The following POPDC1 variants were observed in gnomAD, a reference collection of about 807,000 sequenced individuals.
The protein encoded by POPDC1 is popeye domain-containing protein 1.
chr6:105,107,777 G>T, the POPDC1 span, among the ~76,000 whole-genome samples: 1 of 152,122 alleles, frequency 6.6e-6, no homozygotes, highest in African/African-American at 2.4e-5. Flanking sequence ...TACAATTTTT[G>T]AAGAATGGGA....
the POPDC1 span, among the ~76,000 whole-genome samples, chr6:105,108,701 T>C: frequency 6.6e-6 from 1 of 152,286 alleles, no homozygotes; most frequent in Admixed American, 6.5e-5. Context: ...TTTAGAACAG[T>C]CTCCTTTGAA....
the POPDC1 span, among the ~76,000 whole-genome samples, chr6:105,109,111 T>C: frequency 6.6e-6 from 1 of 152,120 alleles, no homozygotes; most frequent in Non-Finnish European, 1.5e-5. Context: ...AGGCAGGCCA[T>C]CATGCCCTGC....
At chr6:105,129,516 A>G in the POPDC1 span, 2 of 1,603,298 alleles carry the variant, frequency 1.2e-6, no homozygotes, top group Non-Finnish European at 1.7e-6. Flanking sequence ...GTTGAAGAGC[A>G]AAGTTAACAC....
chr6:105,101,140 GTCA>G, the POPDC1 span: 3 of 1,613,470 alleles, frequency 1.9e-6, no homozygotes, highest in Non-Finnish European at 2.5e-6. Context: ...GTTCAAAAAC[GTCA>G]TCATCATCTT....
chr6:105,133,556 G>A, the POPDC1 span: 2 of 1,611,256 alleles, frequency 1.2e-6, no homozygotes, highest in Non-Finnish European at 1.7e-6. Context: ...TCTCTCAATG[G>A]GCTGGACTCT....
the POPDC1 span, chr6:105,100,580 ATGTGTGTGTG>A: frequency 1.6e-5 from 2 of 128,110 alleles, no homozygotes; most frequent in African/African-American, 5.9e-5. Context: ...GTATGTATGT[ATGTGTGTGTG>A]TGTGTGTGTG....
At chr6:105,119,834 T>C in the POPDC1 span, among the ~76,000 whole-genome samples, 1 of 152,260 alleles carries the variant, frequency 6.6e-6, no homozygotes, top group South Asian at 2.1e-4. Context: ...TGTAATTTCC[T>C]TAGCAAATTC....
the POPDC1 span, among the ~76,000 whole-genome samples, chr6:105,112,787 C>G: frequency 6.6e-6 from 1 of 152,134 alleles, no homozygotes; most frequent in African/African-American, 2.4e-5. Flanking sequence ...ATAATAACAG[C>G]TCCTGTGCCT....
the POPDC1 span, among the ~76,000 whole-genome samples, chr6:105,120,629 C>A: frequency 6.6e-6 from 1 of 152,146 alleles, no homozygotes; most frequent in East Asian, 1.9e-4. Flanking sequence ...TAAGCATTTG[C>A]AAACAGGTTT....
the POPDC1 span, among the ~76,000 whole-genome samples, chr6:105,116,207 C>A: frequency 1.3e-5 from 2 of 152,154 alleles, no homozygotes; most frequent in Admixed American, 6.5e-5. Flanking sequence ...ATTTTAATTT[C>A]TTTCTAAAAA....
At chr6:105,133,566 T>G in the POPDC1 span, 10 of 1,572,690 alleles carry the variant, frequency 6.4e-6, no homozygotes, top group African/African-American at 1.2e-4. Context: ...GGCTGGACTC[T>G]GTATAATTCA....
At chr6:105,124,991 G>A in the POPDC1 span, among the ~76,000 whole-genome samples, 13 of 152,204 alleles carry the variant, frequency 8.5e-5, no homozygotes, top group South Asian at 2.7e-3. Context: ...GCACAACAGA[G>A]ACTGACTCTC....
chr6:105,123,377 A>T, the POPDC1 span, among the ~76,000 whole-genome samples: 2 of 151,976 alleles, frequency 1.3e-5, no homozygotes, highest in African/African-American at 2.4e-5. Context: ...ACAGTGTCAC[A>T]TAATGGAGCA....
At chr6:105,129,564 T>C in the POPDC1 span, 3 of 1,513,346 alleles carry the variant, frequency 2.0e-6, no homozygotes, top group Non-Finnish European at 2.7e-6. Flanking sequence ...GGGAGCTTAA[T>C]AAATTTGATA....
chr6:105,124,427 C>T, the POPDC1 span: 1 of 694,802 alleles, frequency 1.4e-6, no homozygotes, highest in South Asian at 1.6e-5. Flanking sequence ...ACTATATATG[C>T]CCTATGGTAA....
At chr6:105,098,131 A>C in the POPDC1 span, 2 of 152,214 alleles carry the variant, frequency 1.3e-5, no homozygotes, top group Middle Eastern at 3.2e-3. Flanking sequence ...AAAGGCCAAA[A>C]AACACAGGAA....
the POPDC1 span, chr6:105,115,801 G>A: frequency 1.2e-6 from 2 of 1,613,748 alleles, no homozygotes; most frequent in South Asian, 1.1e-5. Context: ...TGCAGAGGCT[G>A]AGCTGATGTT....
chr6:105,131,589 A>G, the POPDC1 span, among the ~76,000 whole-genome samples: 1 of 151,886 alleles, frequency 6.6e-6, no homozygotes. Flanking sequence ...ATAATTTTTA[A>G]ATGTTTTGTA....
the POPDC1 span, among the ~76,000 whole-genome samples, chr6:105,103,549 G>A: frequency 6.6e-6 from 1 of 151,956 alleles, no homozygotes; most frequent in Non-Finnish European, 1.5e-5. Context: ...ATTAACTTAG[G>A]CTGAGTATCT....
Sources: gnomAD v4.1 joint callset for allele counts (sites outside exome capture counted in the v4.1 genomes callset) on GRCh38, gnomAD v4.1.1 for gene constraint, MANE v1.5 for transcripts, NCBI Gene and HGNC (gene_info 2026-07-23, HGNC 2026-07-21) for gene names.